DMD: variants seen among roughly 807,000 people sequenced by gnomAD.
DMD encodes the protein mutant dystrophin.
A neutral mutation model predicts 330.1 loss-of-function variants in DMD; 63 were observed. The ratio of observed to expected loss-of-function variants is 0.19; its 90% CI spans 0.16 to 0.24. The LOEUF is 0.24. DMD is among the 10% of genes least tolerant of loss of function. The pLI is 1.00. For synonymous variants in DMD, 1,223 were observed against 959.8 expected (o/e 1.27, Z -5.07); for missense variants, 3,344 against 2,684.1 (o/e 1.25, Z -5.43).
At chrX:32,491,094 C>T (rs1029046730) in intron 20 of DMD, among the ~76,000 whole-genome samples, 183 bp downstream of exon 20, 6 of 112,399 alleles carry the variant, frequency 5.3e-5, no homozygotes, top group African/African-American at 1.9e-4. Context: ...TTTTAGAATC[C>T]GGGTATCTAC....
chrX:31,228,799 A>G (rs2046930087), intron 63 of DMD, among the ~76,000 whole-genome samples: 1 of 111,845 alleles, frequency 8.9e-6, no homozygotes, highest in Non-Finnish European at 1.9e-5. Flanking sequence ...CCATGTTTCC[A>G]TGGCAGCTGG....
At chrX:32,538,917 G>T (rs1002357887) in intron 17 of DMD, among the ~76,000 whole-genome samples, 1 of 109,952 alleles carries the variant, frequency 9.1e-6, no homozygotes, top group Non-Finnish European at 1.9e-5. Context: ...TGATTCAGCA[G>T]GTTTGGGAAG....
At chrX:32,418,438 T>C (rs1413825337) in intron 29 of DMD, among the ~76,000 whole-genome samples, 2 of 111,604 alleles carry the variant, frequency 1.8e-5, no homozygotes. Flanking sequence ...AAAGCTAAGA[T>C]AGATATGTTG....
chrX:32,377,409 G>A (rs1053246096), intron 34 of DMD, among the ~76,000 whole-genome samples: 2 of 111,715 alleles, frequency 1.8e-5, no homozygotes, highest in South Asian at 3.7e-4. Flanking sequence ...TTGAGTTGTC[G>A]ATGGTGAGTT....
intron 22 of DMD, among the ~76,000 whole-genome samples, chrX:32,469,794 A>G (rs1034819578): frequency 2.7e-5 from 3 of 110,961 alleles, no homozygotes; most frequent in African/African-American, 9.8e-5. Context: ...ATTCATTTCT[A>G]GTTTTCCACT....
intron 9 of DMD, among the ~76,000 whole-genome samples, chrX:32,667,252 G>A (rs149732150): frequency 9.3e-4 from 104 of 111,411 alleles, no homozygotes; most frequent in African/African-American, 3.3e-3. Flanking sequence ...AACAACTTCT[G>A]GTTATTACTG....
At chrX:32,429,182 ATTTTTT>A (rs1157306533) in intron 29 of DMD, among the ~76,000 whole-genome samples, 1 of 71,907 alleles carries the variant, frequency 1.4e-5, no homozygotes, top group African/African-American at 5.1e-5. Flanking sequence ...CTACAGATGT[ATTTTTT>A]TTTTCTTTTT....
intron 53 of DMD, among the ~76,000 whole-genome samples, chrX:31,676,054 G>C (rs2082059869): frequency 8.9e-6 from 1 of 112,052 alleles, no homozygotes. Flanking sequence ...GCTCAGTAGT[G>C]AGAGTTAGTG....
chrX:31,493,661 T>C (rs2069535272), intron 57 of DMD, among the ~76,000 whole-genome samples: 1 of 111,436 alleles, frequency 9.0e-6, no homozygotes, highest in Non-Finnish European at 1.9e-5. Context: ...GTTGAGGATT[T>C]TGGTCTTTTT....
chrX:32,635,853 C>T (rs2059058189), intron 11 of DMD, among the ~76,000 whole-genome samples: 1 of 111,986 alleles, frequency 8.9e-6, no homozygotes, highest in Non-Finnish European at 1.9e-5. Context: ...ATCTCATCAC[C>T]TTTACCACAA....
intron 12 of DMD, among the ~76,000 whole-genome samples, chrX:32,609,526 G>C (rs1382510035): frequency 1.8e-5 from 2 of 111,005 alleles, no homozygotes; most frequent in Non-Finnish European, 3.8e-5. Context: ...ATGAGGGTTT[G>C]TTCAGTGATA....
Position 32,814,542 on chromosome X carries a change from AAAG to A in DMD, c.530+1923_530+1925del, listed in dbSNP as rs773251773. Among the ~76,000 whole-genome samples the A allele has an allele frequency of 1.1e-4, 12 of 112,120 alleles. No individual in the cohort carries two copies. The South Asian group carries it at 4.1e-3, about 38-fold the overall frequency. On this transcript the variant is annotated intron_variant, in intron 6 of 78. Coordinates refer to ENST00000357033, the MANE Select transcript of DMD (RefSeq NM_004006.3). ...GAATATGAACATCTGCCAAATACAA[AAAG>A]AAGGGGGAGATGATTCATGAAAGAA...
rs765942606 is a variant in DMD, at chrX:32,367,934, AC to A, written c.4846-2736del. On this transcript the variant is annotated intron_variant, in intron 34 of 78. Transcript: ENST00000357033. ...TGTAAAAAAAGAGACCTAGAGTTAA[AC>A]TTTTATGTATGCTATTCAACAATAA... is the stretch of plus-strand genomic sequence containing the variant. 4.5e-3 allele frequency among the ~76,000 whole-genome samples: 510 copies of A among 112,103 alleles called. 5 individuals carry two copies. Among genetic ancestry groups the A allele is most frequent in the African/African-American group, 0.016 (490 of 30,896 alleles).
intron 71 of DMD, 34 bp from the exon 72 acceptor site, chrX:31,173,638 C>T (rs766344332): frequency 8.5e-7 from 1 of 1,178,986 alleles, no homozygotes; most frequent in Non-Finnish European, 1.2e-6. Flanking sequence ...GTCACAGATA[C>T]CATCCATTAA....
intron 55 of DMD, among the ~76,000 whole-genome samples, chrX:31,557,893 T>C (rs141283610): frequency 0.05 from 5,434 of 109,367 alleles, 98 homozygotes; most frequent in South Asian, 0.076. Flanking sequence ...CTACGAGGAG[T>C]GGAGTTGCCA....
In DMD at chrX:32,816,779, C is replaced by T. The variant is rs6631649; in HGVS notation, c.358-139G>A. 14,458 of 570,812 alleles carry T rather than the reference C, an allele frequency of 0.025. 1,190 individuals carry two copies. In the African/African-American group the frequency reaches 0.27, roughly 11 times the overall value. The allele number at this position is 570,812 out of a possible 1,213,427, so 47.0% of individuals were successfully genotyped here. On this transcript the variant is annotated intron_variant, in intron 5 of 78. Coordinates refer to ENST00000357033, the MANE Select transcript of DMD (RefSeq NM_004006.3). Reference sequence around the variant, plus strand: ...TAGTAATGAGACATAATAGATTCTACCAGAAGTTAAGTCTATTCTCAAAGG... The same window carrying T: ...TAGTAATGAGACATAATAGATTCTATCAGAAGTTAAGTCTATTCTCAAAGG...
intron 2 of DMD, among the ~76,000 whole-genome samples, chrX:32,880,524 A>G (rs1020348137): frequency 4.5e-5 from 5 of 111,973 alleles, no homozygotes; most frequent in African/African-American, 1.6e-4. Context: ...CCCCCGTGGT[A>G]GGACATACTA....
At chrX:32,257,511 C>T (rs2097304178) in intron 43 of DMD, among the ~76,000 whole-genome samples, 3 of 111,329 alleles carry the variant, frequency 2.7e-5, no homozygotes, top group African/African-American at 9.8e-5. Flanking sequence ...AAAATAATGC[C>T]ACACATCTAC....
At chrX:32,747,761 G>A (rs751074805) in intron 7 of DMD, among the ~76,000 whole-genome samples, 1 of 110,602 alleles carries the variant, frequency 9.0e-6, no homozygotes, top group Non-Finnish European at 1.9e-5. Flanking sequence ...CTACAGGTGT[G>A]AGCCAACATG....
Sources: allele counts gnomAD v4.1 joint callset (sites outside exome capture counted in the v4.1 genomes callset), GRCh38; gene constraint gnomAD v4.1.1; transcripts MANE v1.5; gene names NCBI Gene and HGNC (gene_info 2026-07-23, HGNC 2026-07-21).